The following SLFNL1 variants were observed in gnomAD, a reference collection of about 807,000 sequenced individuals.
SLFNL1 encodes schlafen like 1, also known as schlafen-like protein 1.
In SLFNL1, 26 loss-of-function variants were observed where a neutral mutation model predicts 32.5. The ratio of observed to expected loss-of-function variants is 0.80; its 90% confidence interval spans 0.59 to 1.11. The LOEUF is 1.11. Among genes scored for constraint, SLFNL1 ranks in the 50% least tolerant of loss-of-function variants. The probability of loss-of-function intolerance (pLI) is 0.00; values close to 1 mark genes in which losing one functional copy is unlikely to be tolerated. For synonymous variants in SLFNL1, 255 were observed against 242.2 expected, an observed-to-expected ratio of 1.05 and a Z score of -0.49; for missense variants, 553 against 546.5, an observed-to-expected ratio of 1.01 and a Z score of -0.12.
chr1:41,015,890 A>G lies in SLFNL1; in HGVS notation c.*216T>C, dbSNP rs1312011748. On this transcript the variant is annotated 3_prime_UTR_variant, in exon 6 of 6. Transcript: ENST00000302946. ...ACACATTCTTTCTGAAAGTAAGGTC[A>G]TTTGGGGACAGGGCTGAGAGCAGTT... 3.7e-6 allele frequency: 2 copies of G among 542,802 alleles called. No individual in the cohort carries two copies. The highest frequency in any genetic ancestry group is 6.4e-6 in the Non-Finnish European group (2 of 314,584). The allele number at this position is 542,802 out of a possible 1,614,324, so 33.6% of individuals were successfully genotyped here.
rs566460899 is a variant in SLFNL1, at chr1:41,017,116, A to G, written c.1101+118T>C. The stretch of plus-strand genomic sequence containing the variant: ...ATTGTATTCCAACCCCTTGGGTTCA[A>G]CGGGGTGATGCAGGACCCAGGGAAC... On this transcript the variant is annotated intron_variant, in intron 5 of 5. Transcript: ENST00000302946. This position sits in a 1 kb window ranked among gnomAD's most constrained non-coding sequence, Gnocchi z 4.9. The G allele has an allele frequency of 9.3e-6, 12 of 1,296,544 alleles. No individual in the cohort carries two copies. In the East Asian group the frequency reaches 1.0e-4, roughly 11 times the overall value. The allele number at this position is 1,296,544 out of a possible 1,614,324, so 80.3% of individuals were successfully genotyped here.
At position 41,018,828 on chromosome 1, in the gene SLFNL1, G is replaced by GTTTTT. The variant is rs34061852; in HGVS notation, c.436-677_436-673dup. Among the ~76,000 whole-genome samples the GTTTTT allele has an allele frequency of 1.4e-3, 82 of 60,658 alleles. 3 individuals carry two copies. The highest frequency in any genetic ancestry group is 0.022 in the Middle Eastern group (1 of 46). The allele number at this position is 60,658 out of a possible 152,430, so 39.8% of individuals were successfully genotyped here. On this transcript the variant is annotated intron_variant, in intron 3 of 5. Coordinates refer to ENST00000302946, the MANE Select transcript of SLFNL1 (RefSeq NM_144990.4). ...CTCACCCTTTCATGTCAACCCTCCT[G>GTTTTT]TTTTTTTTTTTTTTTTTTTTTTTTT...
chr1:41,017,066 C>T lies in SLFNL1; in HGVS notation c.1101+168G>A. On this transcript the variant is annotated intron_variant, in intron 5 of 5. Transcript: ENST00000302946. This position sits in a 1 kb window ranked among gnomAD's most constrained non-coding sequence, Gnocchi z 4.9. ...CCTCTTCCTTCCCACCAGCCACCTACCCGCGGAGTATGGGATGTGGTGTGA... is the reference window on the plus strand; with the variant it reads ...CCTCTTCCTTCCCACCAGCCACCTATCCGCGGAGTATGGGATGTGGTGTGA... The T allele has an allele frequency of 2.5e-6, 2 of 787,428 alleles. No individual in the cohort carries two copies. Among genetic ancestry groups the T allele is most frequent in the South Asian group, 4.7e-5 (2 of 42,854 alleles). 48.8% of individuals were successfully genotyped at this position (787,428 alleles called of 1,614,324 possible). A position where few individuals can be genotyped will look rare whatever the true frequency, so the allele number is the denominator to read the frequency against.
chr1:41,018,167 A>G lies in SLFNL1; in HGVS notation c.436-11T>C. 1 of 1,459,954 alleles carries G rather than the reference A, an allele frequency of 6.8e-7. No homozygotes were observed. The highest frequency in any genetic ancestry group is 2.5e-5 in the East Asian group (1 of 39,852). 90.4% of individuals were successfully genotyped at this position (1,459,954 alleles called of 1,614,324 possible). ...CTCCTCCTCCTTCTCCTAGGGTGGT[A>G]GTCAAGAATGAATGTATGGGTCCAG... On this transcript the variant is annotated splice_polypyrimidine_tract_variant and intron_variant, in intron 3 of 5. Transcript: ENST00000302946.
rs377035951 is a variant in SLFNL1 at position 41,018,058 on chromosome 1, A to G, written c.534T>C (p.Asp178=). Reference sequence around the variant, plus strand: ...TCTGCAGCTGCTGGGCCTGGGGCCTATCAGGCAGCGTGTGTGTAGGCCAGG... The same window carrying G: ...TCTGCAGCTGCTGGGCCTGGGGCCTGTCAGGCAGCGTGTGTGTAGGCCAGG... The part of the protein sequence containing the change: ...LPTWPTHTLP[D]RPQAQQLQSC... Residue 178 remains aspartate (D), a synonymous_variant, in exon 4 of 6, where the codon GAT becomes GAC. Transcript: ENST00000302946. The G allele has an allele frequency of 1.1e-4, 175 of 1,586,668 alleles. 1 individual carries two copies. The East Asian group carries it at 1.5e-3, about 14-fold the overall frequency.
In SLFNL1 at chr1:41,021,627, A is replaced by G. The variant is rs1004521114; in HGVS notation, c.-130T>C. On this transcript the variant is annotated 5_prime_UTR_variant, in exon 1 of 6. It removes an upstream start codon present in the reference 5' UTR. Coordinates refer to ENST00000302946, the MANE Select transcript of SLFNL1 (RefSeq NM_144990.4). ...AGGAGAGGAGAGGCCTATGACCTTC[A>G]TGTCCTGGTGGCTCCCGCGGGAGCA... 2 of 152,234 alleles carry G rather than the reference A, an allele frequency of 1.3e-5. No individual in the cohort carries two copies. Among genetic ancestry groups the G allele is most frequent in the African/African-American group, 4.8e-5 (2 of 41,432 alleles). 9.4% of individuals were successfully genotyped at this position (152,234 alleles called of 1,614,324 possible). A position where few individuals can be genotyped will look rare whatever the true frequency, so the allele number is the denominator to read the frequency against.
Position 41,018,096 on chromosome 1 carries a change from C to T in SLFNL1, c.496G>A (p.Val166Ile), listed in dbSNP as rs770543585. The change falls in exon 4 of 6, where the codon GTC (valine) becomes ATC (isoleucine). Residue 166 changes from valine to isoleucine, a missense_variant. By Grantham distance (29) the Val-to-Ile change is conservative. Transcript: ENST00000302946. ...LSPGPSPGSG[V>I]PLPTWPTHTL... Reference sequence around the variant, plus strand: ...TGTGTAGGCCAGGTGGGCAGCGGGACACCAGAGCCTGGACTGGGGCCAGGG... The same window carrying T: ...TGTGTAGGCCAGGTGGGCAGCGGGATACCAGAGCCTGGACTGGGGCCAGGG... 3 of 1,550,318 alleles carry T rather than the reference C, an allele frequency of 1.9e-6. No individual in the cohort carries two copies. Among genetic ancestry groups the T allele is most frequent in the Non-Finnish European group, 1.7e-6 (2 of 1,143,086 alleles).
intron 1 of SLFNL1, 22 bp from the exon 2 acceptor site, chr1:41,020,892 AC>A (rs1643784309): frequency 1.8e-6 from 1 of 567,126 alleles, no homozygotes; most frequent in African/African-American, 1.9e-5. Context: ...AAGCAGAGTC[AC>A]GTGGACTGAG....
Position 41,020,682 on chromosome 1 carries a change from G to A in SLFNL1, c.-22C>T. The A allele has an allele frequency of 3.8e-6, 6 of 1,595,360 alleles. No homozygotes were observed. Among genetic ancestry groups the A allele is most frequent in the Non-Finnish European group, 5.1e-6 (6 of 1,167,638 alleles). Reference sequence around the variant, plus strand: ...TCATGGGAAGGCTCTCCCTGGGAAGGGGTTCCAGGATTCCTCACTGCTGGC... The same window carrying A: ...TCATGGGAAGGCTCTCCCTGGGAAGAGGTTCCAGGATTCCTCACTGCTGGC... On this transcript the variant is annotated 5_prime_UTR_variant, in exon 3 of 6. Coordinates refer to ENST00000302946, the MANE Select transcript of SLFNL1 (RefSeq NM_144990.4).
At chr1:41,019,974 G>A (rs546386936) in intron 3 of SLFNL1, among the ~76,000 whole-genome samples, 3 of 152,372 alleles carry the variant, frequency 2.0e-5, no homozygotes, top group South Asian at 4.1e-4. Flanking sequence ...AAGGACCTAA[G>A]GAGAGGAGGT....
chr1:41,020,650 A>G lies in SLFNL1; in HGVS notation c.11T>C (p.Met4Thr), dbSNP rs375276089. Residue 4 changes from methionine (M) to threonine (T), a missense_variant, in exon 3 of 6, where the codon ATG (methionine) becomes ACG (threonine). Physicochemically the swap from Met to Thr is moderately conservative, Grantham distance 81. Coordinates refer to ENST00000302946, the MANE Select transcript of SLFNL1 (RefSeq NM_144990.4). The stretch of plus-strand genomic sequence containing the variant: ...CACCTGTGTTTGCACTGATCTCTTC[A>G]TGGGGGTCATGGGAAGGCTCTCCCT... MTP[M>T]KRSVQTQVSE... 9 of 1,604,694 alleles carry G rather than the reference A, an allele frequency of 5.6e-6. No homozygotes were observed. The highest frequency in any genetic ancestry group is 1.3e-5 in the African/African-American group (1 of 74,660).
rs1019717436 is a variant in SLFNL1, at chr1:41,017,457, G to A, written c.958-80C>T. The A allele has an allele frequency of 7.7e-6, 12 of 1,549,756 alleles. No individual in the cohort carries two copies. The Admixed American group carries it at 2.3e-4, about 29-fold the overall frequency. On this transcript the variant is annotated intron_variant, in intron 4 of 5. Transcript: ENST00000302946. This position sits in a 1 kb window ranked among gnomAD's most constrained non-coding sequence, Gnocchi z 4.9. ...CCATCCTGCCAGGCTGCTCAGCATT[G>A]CTCACTGATTCCTTAGGGCAGGCCA...
chr1:41,016,578 G>T (rs1454029227), intron 5 of SLFNL1: 5 of 246,480 alleles, frequency 2.0e-5, no homozygotes, highest in Admixed American at 5.3e-5. Context: ...AAAATGCAGT[G>T]TATAGTCTTT....
intron 3 of SLFNL1, among the ~76,000 whole-genome samples, chr1:41,019,220 C>T (rs555723891): frequency 1.3e-5 from 2 of 152,122 alleles, no homozygotes; most frequent in Non-Finnish European, 2.9e-5. Context: ...TGAGGCACCT[C>T]CCTACCAGCC....
chr1:41,016,169 C>G lies in SLFNL1; in HGVS notation c.1161G>C (p.Lys387Asn). 1 of 1,614,184 alleles carries G rather than the reference C, an allele frequency of 6.2e-7. No individual in the cohort carries two copies. The highest frequency in any genetic ancestry group is 8.5e-7 in the Non-Finnish European group (1 of 1,180,026). ...GCTGCAGCTGCTGCTGGAGCTGCTC[C>G]TTCTCCATCATCAGCGCCTTCATCT... The part of the protein sequence containing the change: ...EEKMKALMME[K>N]EQLQQQLQQH... Residue 387 changes from lysine to asparagine, a missense_variant, in exon 6 of 6, where the codon AAG becomes AAC. Physicochemically the swap from Lys to Asn is moderately conservative, Grantham distance 94 (BLOSUM62 0). Coordinates refer to ENST00000302946, the MANE Select transcript of SLFNL1 (RefSeq NM_144990.4).
At position 41,017,318 on chromosome 1, in the gene SLFNL1, T is replaced by A. The variant is rs771681985; in HGVS notation, c.1017A>T (p.Thr339=). Reference sequence around the variant, plus strand: ...GCCGCAGAAACACCTCCCCCTGGTCTGTCTGGTAGAGTTGCGGCTGGCTCT... The same window carrying A: ...GCCGCAGAAACACCTCCCCCTGGTCAGTCTGGTAGAGTTGCGGCTGGCTCT... The part of the protein sequence containing the change: ...KAQSQPQLYQ[T]DQGEVFLRRD... The change falls in exon 5 of 6, where the codon ACA becomes ACT. Residue 339 remains threonine, a synonymous_variant. Coordinates refer to ENST00000302946, the MANE Select transcript of SLFNL1 (RefSeq NM_144990.4). This position sits in a 1 kb window ranked among gnomAD's most constrained non-coding sequence, Gnocchi z 4.9. The A allele has an allele frequency of 6.2e-7, 1 of 1,613,926 alleles. No individual in the cohort carries two copies. Among genetic ancestry groups the A allele is most frequent in the Non-Finnish European group, 8.5e-7 (1 of 1,179,950 alleles).
chr1:41,020,166 ACTCAGAGG>A (rs1252773039), intron 3 of SLFNL1, 52 bp downstream of exon 3: 2 of 1,504,574 alleles, frequency 1.3e-6, no homozygotes, highest in African/African-American at 2.8e-5. Flanking sequence ...GGCCACTCCC[ACTCAGAGG>A]CTCTCCCTTG....
chr1:41,019,521 C>T (rs555442780), intron 3 of SLFNL1, among the ~76,000 whole-genome samples: 1 of 152,192 alleles, frequency 6.6e-6, no homozygotes, highest in Non-Finnish European at 1.5e-5. Context: ...CTTAGCACCC[C>T]CTGCAGCCTT....
rs915432847 is a variant in SLFNL1 at position 41,020,452 on chromosome 1, G to A, written c.209C>T (p.Thr70Ile). ...VPVLACLLRD[T>I]LERLEMPVAR... ...CACCGGCATCTCCAGCCGCTCCAGG[G>A]TGTCTCGCAGCAGGCAGGCAAGCAC... Residue 70 changes from threonine to isoleucine, a missense_variant, in exon 3 of 6, where the codon ACC becomes ATC. Coordinates refer to ENST00000302946, the MANE Select transcript of SLFNL1 (RefSeq NM_144990.4). 1.2e-6 allele frequency: 2 copies of A among 1,613,268 alleles called. No homozygotes were observed. The highest frequency in any genetic ancestry group is 1.7e-6 in the Non-Finnish European group (2 of 1,180,036).
Sources: allele counts gnomAD v4.1 joint callset (sites outside exome capture counted in the v4.1 genomes callset), GRCh38; gene constraint gnomAD v4.1.1; non-coding constraint Gnocchi (gnomAD v3.1); transcripts MANE v1.5; gene names NCBI Gene and HGNC (gene_info 2026-07-23, HGNC 2026-07-21).